Variants in HEPH observed in about 807,000 individuals in gnomAD.
HEPH encodes hephaestin.
HEPH carries 69 observed loss-of-function variants against 80.8 expected under a neutral mutation model. The ratio of observed to expected loss-of-function variants is 0.85; its 90% CI spans 0.70 to 1.04. The LOEUF (loss-of-function observed/expected upper bound fraction) is 1.04. HEPH is among the 50% of genes least tolerant of loss of function. HEPH has a pLI of 0.00. For synonymous variants in HEPH, 431 were observed against 322.8 expected (o/e 1.34, Z -3.60); for missense variants, 1,115 against 891.3 (o/e 1.25, Z -3.20).
At chrX:66,223,944 C>T (rs2089765863) in intron 15 of HEPH, among the ~76,000 whole-genome samples, 1 of 111,650 alleles carries the variant, frequency 9.0e-6, no homozygotes, top group South Asian at 3.7e-4. Context: ...TCACGACTTT[C>T]ACAGACAATT....
chrX:66,203,370 T>A lies in HEPH; in HGVS notation c.2084T>A (p.Phe695Tyr). The change falls in exon 13 of 21, where the codon TTT becomes TAT. Residue 695 changes from phenylalanine (F) to tyrosine (Y), a missense_variant. Around this residue, in one of 3 missense-constraint regions of HEPH, gnomAD observed 716 missense variants for 523.5 expected, o/e 1.37. Transcript: ENST00000343002. ...CTCTCTGATCCTCCCTCAGGGACAT[T>A]TGAGATTTATTGCCAGGCAGGCAGC... The part of the protein sequence containing the change: ...AIMQPDNLGT[F>Y]EIYCQAGSHR... 1 of 1,208,047 alleles carries A rather than the reference T, an allele frequency of 8.3e-7. No individual in the cohort carries two copies.
chrX:66,172,445 C>T lies in HEPH; in HGVS notation c.258C>T (p.Tyr86=). The T allele has an allele frequency of 8.3e-7, 1 of 1,209,901 alleles. No homozygotes were observed. Among genetic ancestry groups the T allele is most frequent in the Non-Finnish European group, 1.1e-6 (1 of 894,419 alleles). The stretch of plus-strand genomic sequence containing the variant: ...ATAAAGAATACAAGGATGACTCATA[C>T]ACAGATGAAGTGGCCCAGCCTGCCT... The part of the protein sequence containing the change: ...TIYKEYKDDS[Y]TDEVAQPAWL... The change falls in exon 3 of 21, where the codon TAC becomes TAT. Residue 86 remains tyrosine, a synonymous_variant. Transcript: ENST00000343002.
chrX:66,208,259 A>G lies in HEPH; in HGVS notation c.2563+13A>G. 8.3e-7 allele frequency: 1 copy of G among 1,199,189 alleles called. No homozygotes were observed. Among genetic ancestry groups the G allele is most frequent in the Non-Finnish European group, 1.1e-6 (1 of 889,429 alleles). On this transcript the variant is annotated intron_variant, in intron 15 of 20. Coordinates refer to ENST00000343002, the MANE Select transcript of HEPH (RefSeq NM_001367233.3). ...GCTGCTGAGCCTGGTGAGTGGGGACACTTAGTGAAAGAACAAAGGACATGC... is the reference window on the plus strand; with the variant it reads ...GCTGCTGAGCCTGGTGAGTGGGGACGCTTAGTGAAAGAACAAAGGACATGC...
At chrX:66,217,109 G>A (rs1344395632) in intron 15 of HEPH, among the ~76,000 whole-genome samples, 1 of 111,218 alleles carries the variant, frequency 9.0e-6, no homozygotes, top group Non-Finnish European at 1.9e-5. Flanking sequence ...AAACATATTT[G>A]AGGGAATAAT....
At chrX:66,166,064 C>T (rs1199784974) in intron 1 of HEPH, among the ~76,000 whole-genome samples, 1 of 111,738 alleles carries the variant, frequency 8.9e-6, no homozygotes, top group Non-Finnish European at 1.9e-5. Flanking sequence ...AACTGAGGCT[C>T]AGGAAGTTAG....
At chrX:66,242,211 G>A (rs191854273) in intron 15 of HEPH, among the ~76,000 whole-genome samples, 1 of 110,921 alleles carries the variant, frequency 9.0e-6, no homozygotes, top group African/African-American at 3.3e-5. Context: ...AAGAAATAAA[G>A]CTGCACATGT....
intron 15 of HEPH, among the ~76,000 whole-genome samples, chrX:66,236,080 C>T (rs186918086): frequency 9.0e-6 from 1 of 111,655 alleles, no homozygotes; most frequent in East Asian, 2.8e-4. Flanking sequence ...TCCTCTCTTC[C>T]TATTCATATT....
Position 66,260,234 on chromosome X carries a change from G to T in HEPH, c.3171G>T (p.Glu1057Asp). The change falls in exon 19 of 21, where the codon GAG becomes GAT. Residue 1057 changes from glutamate to aspartate, a missense_variant. Coordinates refer to ENST00000343002, the MANE Select transcript of HEPH (RefSeq NM_001367233.3). ...CTGACCATGTCCATGCTGGCATGGA[G>T]ACCCTCTTCACTGTTTTTTCTCGAA... is the stretch of plus-strand genomic sequence containing the variant. ...HVTDHVHAGM[E>D]TLFTVFSRTE... 1 of 1,208,046 alleles carries T rather than the reference G, an allele frequency of 8.3e-7. No homozygotes were observed. The highest frequency in any genetic ancestry group is 1.7e-5 in the African/African-American group (1 of 57,573).
intron 15 of HEPH, among the ~76,000 whole-genome samples, chrX:66,228,038 C>T (rs1341811967): frequency 9.0e-6 from 1 of 111,487 alleles, no homozygotes; most frequent in Non-Finnish European, 1.9e-5. Flanking sequence ...TAAATACATA[C>T]CTGAGACTGG....
chrX:66,178,625 A>G (rs899537972), intron 4 of HEPH, among the ~76,000 whole-genome samples: 1 of 111,677 alleles, frequency 9.0e-6, no homozygotes, highest in Non-Finnish European at 1.9e-5. Flanking sequence ...TGACTTTTTA[A>G]TGATTGCCAT....
At position 66,208,631 on chromosome X, in the gene HEPH, C is replaced by CAT. The variant is rs56924616; in HGVS notation, c.2563+430_2563+431dup. On this transcript the variant is annotated intron_variant, in intron 15 of 20. Transcript: ENST00000343002. ...AGACTCCATCTCAAATATATACATA[C>CAT]ATATATATATATATATATATATATA... Among the ~76,000 whole-genome samples, 194 of 35,032 alleles carry CAT rather than the reference C, an allele frequency of 5.5e-3. 1 individual carries two copies. Among genetic ancestry groups the CAT allele is most frequent in the South Asian group, 0.012 (3 of 254 alleles). 30.4% of individuals were successfully genotyped at this position (35,032 alleles called of 115,157 possible).
intron 6 of HEPH, 82 bp from the exon 7 acceptor site, chrX:66,192,048 A>G: frequency 2.0e-6 from 2 of 991,664 alleles, no homozygotes; most frequent in Non-Finnish European, 2.8e-6. Flanking sequence ...TGGAGGAAAC[A>G]CTAACAGAAG....
chrX:66,235,352 C>T (rs1023097645), intron 15 of HEPH, among the ~76,000 whole-genome samples: 2 of 111,862 alleles, frequency 1.8e-5, no homozygotes, highest in Admixed American at 9.5e-5. Context: ...AGTCTTTAAT[C>T]CATATTGAGT....
chrX:66,259,700 A>T (rs1031735551), intron 18 of HEPH, among the ~76,000 whole-genome samples: 2 of 105,716 alleles, frequency 1.9e-5, no homozygotes, highest in African/African-American at 7.2e-5. Flanking sequence ...TGGAGATATG[A>T]ATAAAGTGGA....
At chrX:66,194,102 T>A (rs1327970392) in intron 8 of HEPH, among the ~76,000 whole-genome samples, 1 of 111,676 alleles carries the variant, frequency 9.0e-6, no homozygotes, top group African/African-American at 3.3e-5. Flanking sequence ...AGTCTGAACT[T>A]GAAGAAGGTA....
chrX:66,191,368 A>G (rs1184753079), intron 6 of HEPH, among the ~76,000 whole-genome samples: 1 of 112,306 alleles, frequency 8.9e-6, no homozygotes, highest in Non-Finnish European at 1.9e-5. Context: ...CCTACCTAAC[A>G]TAATACATGT....
intron 4 of HEPH, among the ~76,000 whole-genome samples, chrX:66,186,579 A>C (rs1253304493): frequency 5.4e-5 from 6 of 112,077 alleles, no homozygotes; most frequent in Non-Finnish European, 9.4e-5. Context: ...GTGCGCACAC[A>C]CACTGGCCTG....
chrX:66,207,102 G>T, intron 13 of HEPH, 93 bp from the exon 14 acceptor site: 22 of 676,425 alleles, frequency 3.3e-5, no homozygotes, highest in Middle Eastern at 5.0e-4. Flanking sequence ...TCTGTGACAT[G>T]AAGCTGGTTC....
chrX:66,226,210 G>A (rs2089883437), intron 15 of HEPH, among the ~76,000 whole-genome samples: 3 of 112,243 alleles, frequency 2.7e-5, no homozygotes, highest in African/African-American at 9.7e-5. Context: ...GTCTGCTTAT[G>A]GAATTCATTT....
Sources: allele counts gnomAD v4.1 joint callset (sites outside exome capture counted in the v4.1 genomes callset), GRCh38; gene constraint gnomAD v4.1.1; regional missense constraint gnomAD v4.1.1; transcripts MANE v1.5; gene names NCBI Gene and HGNC (gene_info 2026-07-23, HGNC 2026-07-21).